The following COL9A1 variants were observed in gnomAD, a reference collection of about 807,000 sequenced individuals.
The protein encoded by COL9A1 is collagen alpha-1(IX) chain.
COL9A1 carries 104 observed loss-of-function variants against 142.6 expected under a neutral mutation model. The ratio of observed to expected loss-of-function variants is 0.73; its 90% confidence interval spans 0.62 to 0.86. The LOEUF (loss-of-function observed/expected upper bound fraction) is 0.86, where lower values mean the gene tolerates loss of function less well. Among genes scored for constraint, COL9A1 ranks in the 40% least tolerant of loss-of-function variants. The pLI, the probability that COL9A1 is intolerant of heterozygous loss-of-function variation, is 0.00. For synonymous variants in COL9A1, 466 were observed against 396.0 expected, an observed-to-expected ratio of 1.18 and a Z score of -2.10; for missense variants, 1,210 against 1,176.6, an observed-to-expected ratio of 1.03 and a Z score of -0.42.
At chr6:70,259,154 CA>C (rs778738971) in intron 20 of COL9A1, among the ~76,000 whole-genome samples, 1 of 152,080 alleles carries the variant, frequency 6.6e-6, no homozygotes, top group East Asian at 1.9e-4. Flanking sequence ...ATTAAATTGA[CA>C]AAAAAATGAT....
chr6:70,291,279 G>A (rs1271889000), intron 5 of COL9A1, among the ~76,000 whole-genome samples: 2 of 152,066 alleles, frequency 1.3e-5, no homozygotes, highest in Non-Finnish European at 2.9e-5. Flanking sequence ...ACCCATCTGG[G>A]AATTTCCAAA....
chr6:70,250,242 C>T (rs1363572100), intron 28 of COL9A1, among the ~76,000 whole-genome samples: 4 of 152,112 alleles, frequency 2.6e-5, no homozygotes, highest in Admixed American at 2.6e-4. Flanking sequence ...GCCTGGGCAA[C>T]AGAGTGAGAC....
At chr6:70,273,871 AT>A (rs1772563361) in intron 12 of COL9A1, 175 bp downstream of exon 12, 1 of 288,744 alleles carries the variant, frequency 3.5e-6, no homozygotes, top group South Asian at 1.2e-4. Flanking sequence ...ACCATACCAG[AT>A]GTCATCAACT....
chr6:70,280,520 C>G (rs958431384), intron 10 of COL9A1: 4 of 1,367,398 alleles, frequency 2.9e-6, no homozygotes, highest in Non-Finnish European at 3.8e-6. Context: ...TGAGAGTTCA[C>G]AGCGTGCACT....
chr6:70,271,420 T>C (rs1261971486), intron 14 of COL9A1, among the ~76,000 whole-genome samples: 1 of 152,164 alleles, frequency 6.6e-6, no homozygotes, highest in Non-Finnish European at 1.5e-5. Context: ...CTCTCTTACT[T>C]GACAATCTGG....
intron 5 of COL9A1, among the ~76,000 whole-genome samples, chr6:70,286,965 A>G (rs1773475458): frequency 6.6e-6 from 1 of 152,256 alleles, no homozygotes; most frequent in Non-Finnish European, 1.5e-5. Context: ...CATGAAAGAC[A>G]CAAAAATGTC....
Position 70,219,631 on chromosome 6 carries a change from G to T in COL9A1, c.2582-2550C>A, listed in dbSNP as rs188166413. On this transcript the variant is annotated intron_variant, in intron 37 of 37. Coordinates refer to ENST00000357250, the MANE Select transcript of COL9A1 (RefSeq NM_001851.6). The stretch of plus-strand genomic sequence containing the variant: ...TAATATTCCACGTAAGTGTTGGGGA[G>T]ACCAAAGGGAGGAGTGAGGCCTGTG... Among the ~76,000 whole-genome samples the T allele has an allele frequency of 2.7e-3, 408 of 152,360 alleles. 1 individual carries two copies. The highest frequency in any genetic ancestry group is 4.3e-3 in the Non-Finnish European group (292 of 68,034).
At chr6:70,239,379 C>T (rs764539682) in intron 32 of COL9A1, 93 bp from the exon 33 acceptor site, 77 of 889,346 alleles carry the variant, frequency 8.7e-5, no homozygotes, top group Admixed American at 1.9e-4. Context: ...TACTAAAATA[C>T]GGAAAACCAT....
intron 28 of COL9A1, among the ~76,000 whole-genome samples, chr6:70,248,840 C>T (rs189000177): frequency 1.3e-4 from 20 of 152,294 alleles, no homozygotes; most frequent in South Asian, 6.2e-4. Context: ...GCAGTTACCA[C>T]GGCATGGGGT....
At chr6:70,245,666 A>G (rs1405921423) in intron 28 of COL9A1, 2 of 152,224 alleles carry the variant, frequency 1.3e-5, no homozygotes, top group African/African-American at 4.8e-5. Context: ...ATTAAAAATG[A>G]TGAATTGGCC....
intron 14 of COL9A1, 106 bp downstream of exon 14, chr6:70,271,549 T>C (rs567041227): frequency 2.3e-6 from 2 of 860,282 alleles, no homozygotes; most frequent in Admixed American, 3.7e-5. Context: ...TCATCTGCCA[T>C]GTTTTGGTTT....
intron 6 of COL9A1, chr6:70,283,281 G>C: frequency 7.1e-7 from 1 of 1,407,590 alleles, no homozygotes; most frequent in Non-Finnish European, 9.3e-7. Flanking sequence ...GGGGAGGACG[G>C]ATAGAATGAC....
chr6:70,241,346 G>A, intron 31 of COL9A1, 73 bp downstream of exon 31: 1 of 1,212,716 alleles, frequency 8.2e-7, no homozygotes, highest in Non-Finnish European at 1.2e-6. Context: ...CCATAAACCA[G>A]CCATTCCCCC....
chr6:70,217,937 T>G (rs1041847927), intron 37 of COL9A1, among the ~76,000 whole-genome samples: 1 of 152,018 alleles, frequency 6.6e-6, no homozygotes. Context: ...GGTCAGGAGT[T>G]TGAGATCAGC....
chr6:70,284,598 A>C (rs1256569225), intron 5 of COL9A1, among the ~76,000 whole-genome samples: 1 of 152,236 alleles, frequency 6.6e-6, no homozygotes, highest in Non-Finnish European at 1.5e-5. Flanking sequence ...AAACAAACAG[A>C]GCAAGGAAAA....
intron 32 of COL9A1, among the ~76,000 whole-genome samples, chr6:70,239,600 C>G (rs1267644081): frequency 1.3e-5 from 2 of 152,122 alleles, no homozygotes; most frequent in Non-Finnish European, 2.9e-5. Context: ...ATGTGGAAGG[C>G]AAAAGATATT....
intron 33 of COL9A1, among the ~76,000 whole-genome samples, chr6:70,238,645 A>G (rs139743407): frequency 5.9e-5 from 9 of 152,338 alleles, no homozygotes; most frequent in African/African-American, 2.2e-4. Flanking sequence ...AAAATGACCC[A>G]TTTGGAGAGG....
chr6:70,271,788 T>C, intron 13 of COL9A1, 80 bp from the exon 14 acceptor site: 1 of 1,353,504 alleles, frequency 7.4e-7, no homozygotes, highest in Non-Finnish European at 1.0e-6. Context: ...ATATGATAAA[T>C]ATTAGATTTA....
intron 5 of COL9A1, among the ~76,000 whole-genome samples, chr6:70,285,544 G>A (rs1773419333): frequency 6.6e-6 from 1 of 152,134 alleles, no homozygotes; most frequent in South Asian, 2.1e-4. Context: ...TAGTCCTTTT[G>A]GCTGGTGTGA....
Sources: allele counts gnomAD v4.1 joint callset (sites outside exome capture counted in the v4.1 genomes callset), GRCh38; gene constraint gnomAD v4.1.1; transcripts MANE v1.5; gene names NCBI Gene and HGNC (gene_info 2026-07-23, HGNC 2026-07-21).